Variants in CPLANE1 observed in about 807,000 individuals in gnomAD.
CPLANE1 encodes the protein ciliogenesis and planar polarity effector complex subunit 1, also known as ciliogenesis and planar polarity effector 1.
Under a neutral mutation model 362.5 loss-of-function variants are expected in CPLANE1, and 263 were observed. That is an observed-to-expected ratio of 0.73 (90% CI 0.66 to 0.80). CPLANE1 has a LOEUF of 0.80. CPLANE1 is among the 30% of genes least tolerant of loss of function. The probability of loss-of-function intolerance (pLI) is 0.00; values close to 1 mark genes in which losing one functional copy is unlikely to be tolerated. For missense variants in CPLANE1, 3,461 were observed against 3,793.4 expected (o/e 0.91, Z 2.30); for synonymous variants, 1,212 against 1,302.6 (o/e 0.93, Z 1.50).
intron 23 of CPLANE1, among the ~76,000 whole-genome samples, chr5:37,187,060 C>CAAAAAAAAAAAAAAAACAAAAAAAA (rs1784241260): frequency 4.0e-5 from 2 of 50,404 alleles, no homozygotes; most frequent in African/African-American, 1.8e-4. Flanking sequence ...GACTCCGTCT[C>CAAAAAAAAAAAAAAAACAAAAAAAA]AAAAAAAAAA....
intron 24 of CPLANE1, among the ~76,000 whole-genome samples, chr5:37,185,341 G>T (rs1220862399): frequency 2.1e-5 from 3 of 145,310 alleles, no homozygotes; most frequent in African/African-American, 7.5e-5. Context: ...GTATGCCCTG[G>T]AAAAAAAAAA....
At chr5:37,237,144 G>A (rs577528879) in intron 8 of CPLANE1, among the ~76,000 whole-genome samples, 2 of 152,224 alleles carry the variant, frequency 1.3e-5, no homozygotes, top group East Asian at 1.9e-4. Flanking sequence ...GCACTCACAC[G>A]TTTATCACAT....
chr5:37,083,273 GAAC>G, the CPLANE1 span, among the ~76,000 whole-genome samples: 1 of 152,140 alleles, frequency 6.6e-6, no homozygotes, highest in Non-Finnish European at 1.5e-5. Context: ...AAAAGAATCT[GAAC>G]AACAGCCTTC....
chr5:37,200,166 G>A (rs765296654), intron 19 of CPLANE1, among the ~76,000 whole-genome samples: 1 of 152,172 alleles, frequency 6.6e-6, no homozygotes, highest in African/African-American at 2.4e-5. Flanking sequence ...TCTTCATCAC[G>A]TGAACCAATA....
chr5:37,143,871 G>T (rs1046237617), intron 43 of CPLANE1, among the ~76,000 whole-genome samples: 2 of 151,574 alleles, frequency 1.3e-5, no homozygotes, highest in Non-Finnish European at 2.9e-5. Context: ...CGAGGCAGGG[G>T]ATGTGGTGAG....
At chr5:37,178,632 C>A (rs1271904807) in intron 29 of CPLANE1, among the ~76,000 whole-genome samples, 1 of 150,762 alleles carries the variant, frequency 6.6e-6, no homozygotes, top group Non-Finnish European at 1.5e-5. Flanking sequence ...AAAACAAAAA[C>A]ACAGAATTGT....
chr5:37,094,321 C>CTAAT, the CPLANE1 span, among the ~76,000 whole-genome samples: 1 of 152,134 alleles, frequency 6.6e-6, no homozygotes, highest in Non-Finnish European at 1.5e-5. Flanking sequence ...TGGAAATTAA[C>CTAAT]TTGCTCCTGA....
At position 37,227,227 on chromosome 5, in the gene CPLANE1, T is replaced by C; in HGVS notation, c.1521+16A>G. The C allele has an allele frequency of 6.5e-7, 1 of 1,546,392 alleles. No homozygotes were observed. Among genetic ancestry groups the C allele is most frequent in the Admixed American group, 2.0e-5 (1 of 49,978 alleles). On this transcript the variant is annotated intron_variant, in intron 11 of 52. Coordinates refer to ENST00000651892, the MANE Select transcript of CPLANE1 (RefSeq NM_001384732.1). ...TCATAATTGTTCCAAGTAAATAAAA[T>C]TCTGCTGCTAAGTACCTGAAAATCT...
At chr5:37,201,353 C>T (rs572716097) in intron 19 of CPLANE1, among the ~76,000 whole-genome samples, 1 of 152,242 alleles carries the variant, frequency 6.6e-6, no homozygotes, top group East Asian at 1.9e-4. Context: ...ATATCTCAAT[C>T]CTCACAAAAA....
chr5:37,077,696 C>T, the CPLANE1 span, among the ~76,000 whole-genome samples: 2 of 145,542 alleles, frequency 1.4e-5, no homozygotes, highest in Non-Finnish European at 3.0e-5. Flanking sequence ...TCACTGCAAC[C>T]TTGACCTCTC....
chr5:37,164,184 A>G, intron 37 of CPLANE1, 89 bp downstream of exon 37: 1 of 981,858 alleles, frequency 1.0e-6, no homozygotes. Flanking sequence ...GCAGAAATGT[A>G]GGTAGCCTCA....
rs115762977 is a variant in CPLANE1 at position 37,222,029 on chromosome 5, C to T, written c.2582-541G>A. 5.9e-3 allele frequency among the ~76,000 whole-genome samples: 893 copies of T among 152,064 alleles called. 11 individuals carry two copies. The highest frequency in any genetic ancestry group is 0.02 in the African/African-American group (848 of 41,488). On this transcript the variant is annotated intron_variant, in intron 14 of 52. Coordinates refer to ENST00000651892, the MANE Select transcript of CPLANE1 (RefSeq NM_001384732.1). ...TCAAAGGGATGGCCAAAGAGACTTA[C>T]TGAAGCAGAAGAAACAGTTATCCAA...
intron 18 of CPLANE1, among the ~76,000 whole-genome samples, chr5:37,203,260 T>C (rs1462335391): frequency 6.6e-6 from 1 of 152,200 alleles, no homozygotes; most frequent in African/African-American, 2.4e-5. Context: ...TTTTATAGAA[T>C]GCCACAGAAA....
chr5:37,159,145 C>T (rs1484122791), intron 38 of CPLANE1, among the ~76,000 whole-genome samples: 2 of 135,144 alleles, frequency 1.5e-5, no homozygotes, highest in Admixed American at 1.6e-4. Flanking sequence ...CGCTCTGTCG[C>T]CCAGGCCGGA....
At chr5:37,126,690 T>C (rs1024864877) in intron 46 of CPLANE1, among the ~76,000 whole-genome samples, 4 of 152,084 alleles carry the variant, frequency 2.6e-5, no homozygotes, top group African/African-American at 4.8e-5. Flanking sequence ...TCTGAGAAAA[T>C]GGGTGGTGCA....
At chr5:37,247,782 A>G in intron 1 of CPLANE1, 37 bp from the exon 2 acceptor site, 1 of 1,394,936 alleles carries the variant, frequency 7.2e-7, no homozygotes. Flanking sequence ...TAAATGATGC[A>G]TAATATTCAC....
chr5:37,245,041 A>G (rs577650598), intron 4 of CPLANE1, among the ~76,000 whole-genome samples: 63 of 151,838 alleles, frequency 4.1e-4, no homozygotes, highest in African/African-American at 1.5e-3. Context: ...AGTCCCAGCT[A>G]CTCGGGAGGC....
At chr5:37,219,836 T>C (rs1016603873) in intron 15 of CPLANE1, among the ~76,000 whole-genome samples, 1 of 152,012 alleles carries the variant, frequency 6.6e-6, no homozygotes, top group Non-Finnish European at 1.5e-5. Context: ...CAAAAGGCCC[T>C]AGACAAAAAA....
chr5:37,170,298 T>C lies in CPLANE1; in HGVS notation c.6205A>G (p.Ile2069Val). ...AGATTAGCAAAGGATGATCCTACTA[T>C]TTGCATTAGGCTCATGAAGTTGATC... is the stretch of plus-strand genomic sequence containing the variant. ...QQINFMSLMQ[I>V]VGSSFANLPD... The change falls in exon 33 of 53, where the codon ATA (isoleucine) becomes GTA (valine). Residue 2069 changes from isoleucine to valine, a missense_variant. Around this residue, in one of 2 missense-constraint regions of CPLANE1, gnomAD observed 3,380 missense variants for 3,666.1 expected, o/e 0.92. Coordinates refer to ENST00000651892, the MANE Select transcript of CPLANE1 (RefSeq NM_001384732.1). The C allele has an allele frequency of 6.2e-7, 1 of 1,614,104 alleles. No individual in the cohort carries two copies. Among genetic ancestry groups the C allele is most frequent in the Non-Finnish European group, 8.5e-7 (1 of 1,179,970 alleles).
Sources: allele counts gnomAD v4.1 joint callset (sites outside exome capture counted in the v4.1 genomes callset), GRCh38; gene constraint gnomAD v4.1.1; regional missense constraint gnomAD v4.1.1; transcripts MANE v1.5; gene names NCBI Gene and HGNC (gene_info 2026-07-23, HGNC 2026-07-21).